The following AKAP13 variants were observed in gnomAD, a reference collection of about 807,000 sequenced individuals.
AKAP13 encodes the protein A-kinase anchoring protein 13.
AKAP13 carries 80 observed loss-of-function variants against 264.5 expected under a neutral mutation model. The observed-to-expected ratio is 0.30, with a 90% confidence interval of 0.25 to 0.36. The LOEUF is 0.36. AKAP13 is among the 10% of genes least tolerant of loss of function. AKAP13 has a pLI of 1.00. For synonymous variants in AKAP13, 1,380 were observed against 1,250.2 expected (o/e 1.10, Z -2.19); for missense variants, 3,712 against 3,435.2 (o/e 1.08, Z -2.01).
chr15:85,691,092 G>A (rs1030357459), intron 16 of AKAP13, among the ~76,000 whole-genome samples: 5 of 152,298 alleles, frequency 3.3e-5, no homozygotes, highest in East Asian at 3.9e-4. Context: ...TGAGTCAGAC[G>A]AAATGATGTA....
At chr15:85,451,140 T>A (rs2074075486) in intron 1 of AKAP13, among the ~76,000 whole-genome samples, 1 of 152,202 alleles carries the variant, frequency 6.6e-6, no homozygotes, top group East Asian at 1.9e-4. Context: ...TCCTTGTTGG[T>A]TTGGAGTCTG....
chr15:85,653,049 C>T (rs770738369), intron 10 of AKAP13, among the ~76,000 whole-genome samples: 4 of 152,284 alleles, frequency 2.6e-5, no homozygotes, highest in Non-Finnish European at 2.9e-5. Context: ...GAGATATTCA[C>T]GAGACCATTT....
intron 17 of AKAP13, among the ~76,000 whole-genome samples, chr15:85,703,867 T>TACAC (rs879942236): frequency 6.7e-6 from 1 of 149,934 alleles, no homozygotes; most frequent in Non-Finnish European, 1.5e-5. Context: ...TATATATATA[T>TACAC]ATATACACAC....
Position 85,726,328 on chromosome 15 carries a change from C to T in AKAP13, c.6746-82C>T, listed in dbSNP as rs898778304. 47 of 1,157,104 alleles carry T rather than the reference C, an allele frequency of 4.1e-5. No individual in the cohort carries two copies. The Middle Eastern group carries it at 6.0e-4, about 15-fold the overall frequency. 71.7% of individuals were successfully genotyped at this position (1,157,104 alleles called of 1,614,324 possible). ...GGGGTGTATGTGTTGCTGAAACACCCTTCAATAAAAAACCTTCTGACTGTG... is the reference window on the plus strand; with the variant it reads ...GGGGTGTATGTGTTGCTGAAACACCTTTCAATAAAAAACCTTCTGACTGTG... On this transcript the variant is annotated intron_variant, in intron 26 of 36. Transcript: ENST00000394518.
intron 5 of AKAP13, among the ~76,000 whole-genome samples, chr15:85,548,734 A>G (rs1015625732): frequency 5.3e-5 from 8 of 152,178 alleles, no homozygotes; most frequent in Non-Finnish European, 1.2e-4. Flanking sequence ...TGATCGGTCT[A>G]CCAGATATCT....
At chr15:85,712,804 A>G (rs1567208758) in intron 19 of AKAP13, among the ~76,000 whole-genome samples, 1 of 152,170 alleles carries the variant, frequency 6.6e-6, no homozygotes, top group Non-Finnish European at 1.5e-5. Context: ...TTGGCCTCCC[A>G]AAGTGCTGGG....
intron 10 of AKAP13, among the ~76,000 whole-genome samples, chr15:85,647,708 G>C (rs2082619007): frequency 2.6e-5 from 4 of 152,178 alleles, no homozygotes; most frequent in Admixed American, 2.6e-4. Context: ...TACTTTGGGA[G>C]GCTGAGGCGG....
chr15:85,647,845 G>A (rs2082624587), intron 10 of AKAP13, among the ~76,000 whole-genome samples: 1 of 151,868 alleles, frequency 6.6e-6, no homozygotes, highest in Non-Finnish European at 1.5e-5. Context: ...GGAGAATGGC[G>A]TGAACCCGGG....
intron 5 of AKAP13, among the ~76,000 whole-genome samples, chr15:85,558,566 T>A (rs1488654082): frequency 1.3e-5 from 2 of 152,174 alleles, no homozygotes; most frequent in Non-Finnish European, 2.9e-5. Context: ...TTTCCTGAAC[T>A]GGAAAAGCTA....
At chr15:85,597,643 T>C (rs1360644628) in intron 8 of AKAP13, among the ~76,000 whole-genome samples, 4 of 152,136 alleles carry the variant, frequency 2.6e-5, no homozygotes, top group Non-Finnish European at 1.5e-5. Flanking sequence ...GCAAATTGCC[T>C]TCTGATACAG....
rs2089439398 is a variant in AKAP13 at position 85,748,695 on chromosome 15, T to C, written c.*4018T>C. On this transcript the variant is annotated 3_prime_UTR_variant, in exon 37 of 37. Coordinates refer to ENST00000394518, the MANE Select transcript of AKAP13 (RefSeq NM_007200.5). Reference sequence around the variant, plus strand: ...ATAAAGGCATCTTTCCAAGTACTCATCTAATTTAATTGTCAAAAGATTGAT... The same window carrying C: ...ATAAAGGCATCTTTCCAAGTACTCACCTAATTTAATTGTCAAAAGATTGAT... The C allele has an allele frequency of 6.6e-6, 1 of 152,122 alleles. No individual in the cohort carries two copies. The highest frequency in any genetic ancestry group is 2.4e-5 in the African/African-American group (1 of 41,420). 9.4% of individuals were successfully genotyped at this position (152,122 alleles called of 1,614,324 possible). A position where few individuals can be genotyped will look rare whatever the true frequency, so the allele number is the denominator to read the frequency against.
At chr15:85,433,415 C>T (rs994096260) in intron 1 of AKAP13, among the ~76,000 whole-genome samples, 2 of 152,062 alleles carry the variant, frequency 1.3e-5, no homozygotes, top group East Asian at 3.9e-4. Context: ...TGTTTCTCCA[C>T]GTCTTTGTCG....
At chr15:85,599,305 A>G (rs2079952437) in intron 8 of AKAP13, among the ~76,000 whole-genome samples, 1 of 152,250 alleles carries the variant, frequency 6.6e-6, no homozygotes, top group Admixed American at 6.5e-5. Context: ...GAAGATTAGC[A>G]TATAATATAA....
intron 1 of AKAP13, among the ~76,000 whole-genome samples, chr15:85,423,199 A>G (rs2072604828): frequency 1.3e-5 from 2 of 152,200 alleles, no homozygotes; most frequent in Admixed American, 1.3e-4. Context: ...ATTTCTTAAA[A>G]TAAGACAACA....
chr15:85,685,126 G>A, intron 16 of AKAP13: 1 of 348,660 alleles, frequency 2.9e-6, no homozygotes, highest in Middle Eastern at 7.8e-4. Context: ...AACCCTGTCA[G>A]GTAGGTGTTA....
intron 14 of AKAP13, among the ~76,000 whole-genome samples, chr15:85,671,528 A>T (rs573908328): frequency 6.6e-6 from 1 of 152,114 alleles, no homozygotes; most frequent in East Asian, 1.9e-4. Context: ...TTAATATTTC[A>T]AATACAAATC....
intron 8 of AKAP13, among the ~76,000 whole-genome samples, chr15:85,617,432 T>C (rs2344439): frequency 0.94 from 143,573 of 152,242 alleles, 67,736 homozygotes; most frequent in East Asian, 0.98. Context: ...TTAGTAGAGA[T>C]GGGGGTTTCG....
chr15:85,686,165 GTA>G lies in AKAP13; in HGVS notation c.5289+1294_5289+1295del, dbSNP rs1555459318. Among the ~76,000 whole-genome samples, 206 of 132,200 alleles carry G rather than the reference GTA, an allele frequency of 1.6e-3. 1 individual carries two copies. The highest frequency in any genetic ancestry group is 5.3e-3 in the African/African-American group (182 of 34,052). The allele number at this position is 132,200 out of a possible 152,430, so 86.7% of individuals were successfully genotyped here. ...AATCACTGTGTGTGTGTGTGTGTGT[GTA>G]TGTGTGTGTGTGCACGTGCATGCAT... is the stretch of plus-strand genomic sequence containing the variant. On this transcript the variant is annotated intron_variant, in intron 16 of 36. Transcript: ENST00000394518.
chr15:85,734,865 A>C (rs1219382500), intron 30 of AKAP13, 127 bp from the exon 31 acceptor site: 57 of 1,285,624 alleles, frequency 4.4e-5, no homozygotes, highest in Non-Finnish European at 5.7e-5. Context: ...CTCTGAGCAA[A>C]GGAACTCACC....
Sources: allele counts gnomAD v4.1 joint callset (sites outside exome capture counted in the v4.1 genomes callset), GRCh38; gene constraint gnomAD v4.1.1; transcripts MANE v1.5; gene names NCBI Gene and HGNC (gene_info 2026-07-23, HGNC 2026-07-21).